The following EPB41L1 variants were observed in gnomAD, a reference collection of about 807,000 sequenced individuals.
EPB41L1 encodes the protein erythrocyte membrane protein band 4.1 like 1, also known as band 4.1-like protein 1.
EPB41L1 carries 29 observed loss-of-function variants against 97.8 expected under a neutral mutation model. The ratio of observed to expected loss-of-function variants is 0.30; its 90% confidence interval spans 0.22 to 0.40. The LOEUF is 0.40. EPB41L1 is among the 10% of genes least tolerant of loss of function. EPB41L1 has a pLI of 1.00. For missense variants in EPB41L1, 812 were observed against 1,162.3 expected (o/e 0.70, Z 4.38); for synonymous variants, 383 against 459.2 (o/e 0.83, Z 2.12).
rs577873289 is a variant in EPB41L1, at chr20:36,209,386, G to A, written c.1669-102G>A. On this transcript the variant is annotated intron_variant, in intron 14 of 21. Transcript: ENST00000338074. The surrounding 1 kb of genome is among the most constrained non-coding windows in gnomAD (Gnocchi z 4.2). ...GGCCTGCTCTTCCATTCAGGATGTC[G>A]ACACAGCCCCGAGATTTCTCCTGAC... 1.8e-5 allele frequency: 25 copies of A among 1,360,338 alleles called. No individual in the cohort carries two copies. The highest frequency in any genetic ancestry group is 4.4e-5 in the African/African-American group (3 of 68,706). The allele number at this position is 1,360,338 out of a possible 1,614,324, so 84.3% of individuals were successfully genotyped here. A position where few individuals can be genotyped will look rare whatever the true frequency, so the allele number is the denominator to read the frequency against.
At chr20:36,197,774 G>T (rs2062281583) in intron 13 of EPB41L1, 85 bp from the exon 14 acceptor site, 2 of 1,611,446 alleles carry the variant, frequency 1.2e-6, no homozygotes, top group Non-Finnish European at 1.7e-6. Flanking sequence ...GGGTGGTGAT[G>T]GTGACTGCTG....
chr20:36,228,149 T>C lies in EPB41L1; in HGVS notation c.2638-1183T>C, dbSNP rs191764736. Among the ~76,000 whole-genome samples the C allele has an allele frequency of 3.8e-3, 573 of 152,332 alleles. 2 individuals carry two copies. The highest frequency in any genetic ancestry group is 9.1e-3 in the South Asian group (44 of 4,824). On this transcript the variant is annotated intron_variant, in intron 21 of 21. Coordinates refer to ENST00000338074, the MANE Select transcript of EPB41L1 (RefSeq NM_012156.2). ...GCATGCAAGTAGCAGAAATGATGTT[T>C]CATCCATTAAATGGTTTTGAGTAGT...
intron 1 of EPB41L1, among the ~76,000 whole-genome samples, chr20:36,171,114 C>A (rs950925362): frequency 1.3e-5 from 2 of 150,538 alleles, no homozygotes; most frequent in African/African-American, 4.9e-5. Context: ...GCAGAAAACA[C>A]ACAGATGAGT....
upstream of EPB41L1, among the ~76,000 whole-genome samples, chr20:36,154,471 C>T (rs2060190822): frequency 1.3e-5 from 2 of 151,824 alleles, no homozygotes; most frequent in African/African-American, 4.8e-5. This position sits in a 1 kb window ranked among gnomAD's most constrained non-coding sequence, Gnocchi z 5.5. Context: ...GTGGCACGGA[C>T]CGGGAGGAGG....
intron 1 of EPB41L1, among the ~76,000 whole-genome samples, chr20:36,161,635 TG>T (rs1363352807): frequency 6.6e-6 from 1 of 151,890 alleles, no homozygotes; most frequent in Non-Finnish European, 1.5e-5. Context: ...GCCACCTGCC[TG>T]GCTAGTTCTT....
Position 36,229,475 on chromosome 20 carries a change from A to G in EPB41L1, c.*135A>G. 1.2e-6 allele frequency: 1 copy of G among 829,262 alleles called. No individual in the cohort carries two copies. Among genetic ancestry groups the G allele is most frequent in the Non-Finnish European group, 2.1e-6 (1 of 476,802 alleles). The allele number at this position is 829,262 out of a possible 1,614,324, so 51.4% of individuals were successfully genotyped here. A position where few individuals can be genotyped will look rare whatever the true frequency, so the allele number is the denominator to read the frequency against. ...GTACTGTCACTGATGAGAGACTGGG[A>G]AGGGAAAAGCATATATATATAGATA... is the stretch of plus-strand genomic sequence containing the variant. On this transcript the variant is annotated 3_prime_UTR_variant, in exon 22 of 22. Coordinates refer to ENST00000338074, the MANE Select transcript of EPB41L1 (RefSeq NM_012156.2).
At chr20:36,121,001 C>T (rs957966682) in intron 2 of EPB41L1, among the ~76,000 whole-genome samples, 4 of 151,028 alleles carry the variant, frequency 2.6e-5, no homozygotes, top group African/African-American at 4.9e-5. Flanking sequence ...TGGGTGTTCA[C>T]GCATGGGGGT....
At position 36,221,988 on chromosome 20, in the gene EPB41L1, C is replaced by T. The variant is rs775672725; in HGVS notation, c.2520+44C>T. 1.6e-5 allele frequency: 26 copies of T among 1,590,220 alleles called. No individual in the cohort carries two copies. The Admixed American group carries it at 4.3e-4, about 27-fold the overall frequency. The stretch of plus-strand genomic sequence containing the variant: ...TTCTTCCCAGTGCCACTGCCCAGTC[C>T]TCAATCCCTCCTATGTTGGGTTACC... On this transcript the variant is annotated intron_variant, in intron 20 of 21. Coordinates refer to ENST00000338074, the MANE Select transcript of EPB41L1 (RefSeq NM_012156.2).
intron 2 of EPB41L1, among the ~76,000 whole-genome samples, chr20:36,135,089 C>T (rs752725041): frequency 6.6e-6 from 1 of 152,036 alleles, no homozygotes; most frequent in Non-Finnish European, 1.5e-5. Flanking sequence ...TCTCAAACTC[C>T]TGGCCTCAAG....
chr20:36,098,001 T>C (rs1446598723), intron 1 of EPB41L1, among the ~76,000 whole-genome samples: 1 of 152,016 alleles, frequency 6.6e-6, no homozygotes, highest in Non-Finnish European at 1.5e-5. Flanking sequence ...CAGAGGATGG[T>C]TGGTCTGGGA....
At chr20:36,204,438 T>C in intron 14 of EPB41L1, among the ~76,000 whole-genome samples, 1 of 150,270 alleles carries the variant, frequency 6.7e-6, no homozygotes, top group East Asian at 1.9e-4. Context: ...TAGAGGCTGT[T>C]GGGAGATGGC....
At chr20:36,218,802 T>C (rs1399203039) in intron 17 of EPB41L1, 74 bp from the exon 18 acceptor site, 4 of 1,355,616 alleles carry the variant, frequency 3.0e-6, no homozygotes, top group Non-Finnish European at 4.2e-6. Flanking sequence ...GATAGCTACA[T>C]GGCCACATGC....
In EPB41L1 at chr20:36,229,408, A is replaced by G; in HGVS notation, c.*68A>G. On this transcript the variant is annotated 3_prime_UTR_variant, in exon 22 of 22. Transcript: ENST00000338074. ...AGAGAACCATTAAGAAGGGGCCTTC[A>G]TTCTGGATTCTCCGACGCAACACTG... 21 of 1,535,422 alleles carry G rather than the reference A, an allele frequency of 1.4e-5. No individual in the cohort carries two copies. Among genetic ancestry groups the G allele is most frequent in the Non-Finnish European group, 1.9e-5 (21 of 1,109,494 alleles).
At chr20:36,196,101 A>G (rs925018316) in intron 13 of EPB41L1, among the ~76,000 whole-genome samples, 1 of 152,112 alleles carries the variant, frequency 6.6e-6, no homozygotes, top group African/African-American at 2.4e-5. Flanking sequence ...ACTGCAAGAG[A>G]AGTGGGTTTA....
Position 36,219,822 on chromosome 20 carries a change from C to T in EPB41L1, c.2417C>T (p.Ser806Phe). ...YGATAETLSTSTTTHVTKTVK... is the reference protein window; with the variant it reads ...YGATAETLSTFTTTHVTKTVK... ...GCCACTGCGGAAACCCTCTCAACCT[C>T]CACCACCACCCATGTCACCAAAGTG... Residue 806 changes from serine (S) to phenylalanine (F), a missense_variant, in exon 19 of 22, where the codon TCC (serine) becomes TTC (phenylalanine). By Grantham distance (155) the Ser-to-Phe change is radical. Around this residue, in one of 3 missense-constraint regions of EPB41L1, gnomAD observed 498 missense variants for 622.7 expected, o/e 0.80. Coordinates refer to ENST00000338074, the MANE Select transcript of EPB41L1 (RefSeq NM_012156.2). 1 of 1,614,194 alleles carries T rather than the reference C, an allele frequency of 6.2e-7. No individual in the cohort carries two copies. Among genetic ancestry groups the T allele is most frequent in the Admixed American group, 1.7e-5 (1 of 60,028 alleles).
intron 6 of EPB41L1, among the ~76,000 whole-genome samples, chr20:36,183,560 A>G (rs2061556503): frequency 1.3e-5 from 2 of 152,188 alleles, no homozygotes; most frequent in African/African-American, 2.4e-5. Context: ...TGTTTGTGCC[A>G]GACACTGGGC....
In EPB41L1 at chr20:36,195,043, C is replaced by T. The variant is rs987262805; in HGVS notation, c.1450-286C>T. Among the ~76,000 whole-genome samples, 2 of 152,168 alleles carry T rather than the reference C, an allele frequency of 1.3e-5. No homozygotes were observed. The highest frequency in any genetic ancestry group is 2.4e-5 in the African/African-American group (1 of 41,434). ...GCCTTGAACATGCTCCCACTGACAG[C>T]GAGAGCAGGGAACTCCATTCTCACA... On this transcript the variant is annotated intron_variant, in intron 12 of 21. Transcript: ENST00000338074. The surrounding 1 kb of genome is among the most constrained non-coding windows in gnomAD (Gnocchi z 4.6).
intron 1 of EPB41L1, among the ~76,000 whole-genome samples, chr20:36,099,427 C>T (rs781677908): frequency 2.0e-5 from 3 of 152,256 alleles, no homozygotes; most frequent in East Asian, 3.9e-4. Flanking sequence ...CACCAAATTG[C>T]GATCCCAGGA....
At chr20:36,111,473 A>G (rs967278692) in intron 1 of EPB41L1, among the ~76,000 whole-genome samples, 12 of 152,198 alleles carry the variant, frequency 7.9e-5, no homozygotes, top group Admixed American at 1.3e-4. Context: ...ACACCAGAAC[A>G]GGATGTGAAT....
Sources: gnomAD v4.1 joint callset for allele counts (sites outside exome capture counted in the v4.1 genomes callset) on GRCh38, gnomAD v4.1.1 for gene constraint, gnomAD v4.1.1 regional missense constraint, Gnocchi (gnomAD v3.1) non-coding constraint, MANE v1.5 for transcripts, NCBI Gene and HGNC (gene_info 2026-07-23, HGNC 2026-07-21) for gene names.